The following PCDHGA5 variants were observed in gnomAD, a reference collection of about 807,000 sequenced individuals.
The protein encoded by PCDHGA5 is protocadherin gamma-A5.
In PCDHGA5, 36 loss-of-function variants were observed where a neutral mutation model predicts 56.7. The observed-to-expected ratio is 0.64, with a 90% confidence interval of 0.49 to 0.84. The LOEUF (loss-of-function observed/expected upper bound fraction) is 0.84. Ranked by LOEUF, PCDHGA5 falls within the 40% of genes least tolerant of loss-of-function variation. The pLI, the probability that PCDHGA5 is intolerant of heterozygous loss-of-function variation, is 0.00. For missense variants in PCDHGA5, 1,305 were observed against 1,201.5 expected, an observed-to-expected ratio of 1.09 and a Z score of -1.27; for synonymous variants, 563 against 520.2, an observed-to-expected ratio of 1.08 and a Z score of -1.12.
At position 141,494,758 on chromosome 5, in the gene PCDHGA5, T is replaced by C. The variant is rs370692038; in HGVS notation, c.2422-49T>C. ...CCATCCCTAGGGGCTCGGGTGACAT[T>C]CTAACTTCTCACGGGTACTCAGCCC... On this transcript the variant is annotated intron_variant, in intron 1 of 3. Transcript: ENST00000518069. The C allele has an allele frequency of 1.3e-5, 21 of 1,613,682 alleles. No homozygotes were observed. The African/African-American group carries it at 2.7e-4, about 21-fold the overall frequency.
Position 141,489,322 on chromosome 5 carries a change from T to G in PCDHGA5, c.2422-5485T>G. 1.9e-6 allele frequency: 3 copies of G among 1,601,052 alleles called. No homozygotes were observed. The highest frequency in any genetic ancestry group is 2.2e-5 in the East Asian group (1 of 44,726). On this transcript the variant is annotated intron_variant, in intron 1 of 3. Transcript: ENST00000518069. This position sits in a 1 kb window ranked among gnomAD's most constrained non-coding sequence, Gnocchi z 4.5. The stretch of plus-strand genomic sequence containing the variant: ...GTCCTTGTGCTGCTGGGGCTGGGTG[T>G]CTGGGCAGCTTCGTTACTCAGTGGT...
Position 141,365,756 on chromosome 5 carries a change from G to C in PCDHGA5, c.1426G>C (p.Ala476Pro). The C allele has an allele frequency of 6.2e-7, 1 of 1,613,776 alleles. No homozygotes were observed. Among genetic ancestry groups the C allele is most frequent in the Non-Finnish European group, 8.5e-7 (1 of 1,179,882 alleles). The change falls in exon 1 of 4, where the codon GCC (alanine) becomes CCC (proline). Residue 476 changes from alanine to proline, a missense_variant. Transcript: ENST00000518069. ...PRGVSIFSVT[A>P]HDPDSGDNAR... is the part of the protein sequence containing the mutation. The stretch of plus-strand genomic sequence containing the variant: ...AGGTGTCTCTATCTTCTCTGTGACA[G>C]CCCATGACCCCGACAGCGGCGACAA...
At chr5:141,433,235 C>T (rs1307904588) in intron 1 of PCDHGA5, 13 of 1,509,616 alleles carry the variant, frequency 8.6e-6, no homozygotes, top group Non-Finnish European at 1.1e-5. Context: ...GCTCTGTCTC[C>T]CAAGCTGGAA....
rs747671382 is a variant in PCDHGA5 at position 141,444,152 on chromosome 5, ATTTTTTTTTTTTTTTTTTTT to A, written c.2422-50638_2422-50619del. ...GATATGTGTCACTTGTGTGTACTGG[ATTTTTTTTTTTTTTTTTTTT>A]TTTTTTTTTTTTTTTTGAGATGGAG... On this transcript the variant is annotated intron_variant, in intron 1 of 3. Transcript: ENST00000518069. 2.4e-4 allele frequency among the ~76,000 whole-genome samples: 8 copies of A among 33,898 alleles called. No homozygotes were observed. In the East Asian group the frequency reaches 3.0e-3, roughly 13 times the overall value. 22.2% of individuals were successfully genotyped at this position (33,898 alleles called of 152,430 possible). A position where few individuals can be genotyped will look rare whatever the true frequency, so the allele number is the denominator to read the frequency against.
At chr5:141,428,613 C>T (rs1247239314) in intron 1 of PCDHGA5, 1 of 212,608 alleles carries the variant, frequency 4.7e-6, no homozygotes, top group African/African-American at 2.3e-5. Flanking sequence ...AAGAGAATAA[C>T]AAGATAAGCT....
intron 1 of PCDHGA5, chr5:141,398,503 A>G (rs2093664041): frequency 1.9e-6 from 3 of 1,601,316 alleles, no homozygotes; most frequent in Non-Finnish European, 1.7e-6. Flanking sequence ...GATCGAGGAC[A>G]TTAATGACCA....
In PCDHGA5 at chr5:141,477,294, C is replaced by G. The variant is rs753131175; in HGVS notation, c.2422-17513C>G. On this transcript the variant is annotated intron_variant, in intron 1 of 3. Coordinates refer to ENST00000518069, the MANE Select transcript of PCDHGA5 (RefSeq NM_018918.3). This position sits in a 1 kb window ranked among gnomAD's most constrained non-coding sequence, Gnocchi z 4.9. ...GGGCTGGTGACCTGCGAAGTTCCACCGGGTCTCCCTTTCAGCCTTACTTCT... is the reference window on the plus strand; with the variant it reads ...GGGCTGGTGACCTGCGAAGTTCCACGGGGTCTCCCTTTCAGCCTTACTTCT... The G allele has an allele frequency of 2.1e-5, 34 of 1,614,024 alleles. No individual in the cohort carries two copies. Among genetic ancestry groups the G allele is most frequent in the Non-Finnish European group, 2.9e-5 (34 of 1,180,036 alleles).
chr5:141,406,294 G>C (rs1399208737), intron 1 of PCDHGA5, among the ~76,000 whole-genome samples: 1 of 151,910 alleles, frequency 6.6e-6, no homozygotes, highest in East Asian at 1.9e-4. Flanking sequence ...CACTGGGTGA[G>C]GTGTGAACCA....
chr5:141,506,115 T>C (rs1211973354), intron 3 of PCDHGA5, among the ~76,000 whole-genome samples: 1 of 152,062 alleles, frequency 6.6e-6, no homozygotes, highest in Admixed American at 6.5e-5. Context: ...GAAGAGTCAC[T>C]AGGGCCCAGA....
intron 1 of PCDHGA5, chr5:141,398,921 C>A: frequency 6.2e-7 from 1 of 1,613,962 alleles, no homozygotes; most frequent in African/African-American, 1.3e-5. Flanking sequence ...TTGCAAGTGT[C>A]AGCCACTGAC....
rs186490614 is a variant in PCDHGA5 at position 141,415,986 on chromosome 5, T to A, written c.2421+49235T>A. 2.6e-4 allele frequency: 85 copies of A among 328,664 alleles called. 1 individual carries two copies. The highest frequency in any genetic ancestry group is 1.7e-3 in the African/African-American group (80 of 46,398). 20.4% of individuals were successfully genotyped at this position (328,664 alleles called of 1,614,324 possible). On this transcript the variant is annotated intron_variant, in intron 1 of 3. Transcript: ENST00000518069. ...CCAGCCCCTTAAGCAACCCTCTTGT[T>A]CTGAAGGCAGGTCTGGTAAGAATAG...
At chr5:141,368,562 A>T (rs1765727979) in intron 1 of PCDHGA5, among the ~76,000 whole-genome samples, 1 of 152,144 alleles carries the variant, frequency 6.6e-6, no homozygotes, top group African/African-American at 2.4e-5. Flanking sequence ...AGAAAATGTT[A>T]TATGCTTCTT....
At chr5:141,383,436 C>T in intron 1 of PCDHGA5, 1 of 1,613,968 alleles carries the variant, frequency 6.2e-7, no homozygotes, top group Non-Finnish European at 8.5e-7. Flanking sequence ...GCCACTTCTC[C>T]CTGGCTGTGC....
At chr5:141,395,078 G>C in intron 1 of PCDHGA5, 1 of 1,614,126 alleles carries the variant, frequency 6.2e-7, no homozygotes, top group Non-Finnish European at 8.5e-7. Flanking sequence ...CCTATTCCCA[G>C]GAAGTCTCCC....
intron 1 of PCDHGA5, chr5:141,382,914 G>T: frequency 6.4e-7 from 1 of 1,552,980 alleles, no homozygotes; most frequent in South Asian, 1.2e-5. Context: ...CGGCTCAGCC[G>T]AGGGGCGGGG....
chr5:141,491,850 T>C lies in PCDHGA5; in HGVS notation c.2422-2957T>C. ...CCCGATTCTCGGGATCATTGGACCG[T>C]TTGCGCGAAACCAGAGTGGCCGATT... On this transcript the variant is annotated intron_variant, in intron 1 of 3. Transcript: ENST00000518069. The surrounding 1 kb of genome is among the most constrained non-coding windows in gnomAD (Gnocchi z 6.9). 6.8e-7 allele frequency: 1 copy of C among 1,460,996 alleles called. No homozygotes were observed. The highest frequency in any genetic ancestry group is 2.5e-5 in the East Asian group (1 of 40,084). The allele number at this position is 1,460,996 out of a possible 1,614,324, so 90.5% of individuals were successfully genotyped here.
chr5:141,467,409 C>T (rs2099143590), intron 1 of PCDHGA5, among the ~76,000 whole-genome samples: 1 of 152,132 alleles, frequency 6.6e-6, no homozygotes, highest in South Asian at 2.1e-4. Context: ...GAAAGCCTTT[C>T]CCCACACCTA....
At chr5:141,494,902 C>A (rs2099757367) in intron 2 of PCDHGA5, 37 bp downstream of exon 2, 1 of 1,614,024 alleles carries the variant, frequency 6.2e-7, no homozygotes, top group East Asian at 2.2e-5. Context: ...CTCTTCTCTG[C>A]GGCATTTTCT....
At chr5:141,478,127 C>A (rs1323163663) in intron 1 of PCDHGA5, 1 of 1,614,106 alleles carries the variant, frequency 6.2e-7, no homozygotes, top group South Asian at 1.1e-5. Flanking sequence ...CGAGGACTCT[C>A]CTGAAGCCCG....
Sources: gnomAD v4.1 joint callset for allele counts (sites outside exome capture counted in the v4.1 genomes callset) on GRCh38, gnomAD v4.1.1 for gene constraint, Gnocchi (gnomAD v3.1) non-coding constraint, MANE v1.5 for transcripts, NCBI Gene and HGNC (gene_info 2026-07-23, HGNC 2026-07-21) for gene names.